SCN11A: variants seen among roughly 807,000 people sequenced by gnomAD.
The protein encoded by SCN11A is sodium channel protein type 11 subunit alpha.
In SCN11A, 122 loss-of-function variants were observed where a neutral mutation model predicts 162.2. That is an observed-to-expected ratio of 0.75 (90% CI 0.65 to 0.87). The LOEUF (loss-of-function observed/expected upper bound fraction) is 0.87, where lower values mean the gene tolerates loss of function less well. Ranked by LOEUF, SCN11A falls within the 40% of genes least tolerant of loss-of-function variation. The pLI is 0.00. For missense variants in SCN11A, 2,015 were observed against 2,181.6 expected (o/e 0.92, Z 1.52); for synonymous variants, 758 against 751.5 (o/e 1.01, Z -0.14).
intron 18 of SCN11A, among the ~76,000 whole-genome samples, chr3:38,895,338 G>A (rs13099670): frequency 0.2 from 30,685 of 152,052 alleles, 3,458 homozygotes; most frequent in Non-Finnish European, 0.25. Flanking sequence ...TTTCCCACAA[G>A]GATATGAATC....
chr3:39,038,828 A>G (rs1228611141), intron 1 of SCN11A, among the ~76,000 whole-genome samples: 1 of 152,230 alleles, frequency 6.6e-6, no homozygotes, highest in African/African-American at 2.4e-5. Context: ...GAAAACACAT[A>G]AAAGAATACA....
At chr3:39,011,527 T>C (rs2031133892) in intron 2 of SCN11A, among the ~76,000 whole-genome samples, 3 of 152,330 alleles carry the variant, frequency 2.0e-5, no homozygotes, top group South Asian at 2.1e-4. Flanking sequence ...TTCCATTTGG[T>C]GGAGGTCCAG....
At chr3:38,872,345 G>A in intron 23 of SCN11A, 51 bp from the exon 24 acceptor site, 1 of 1,007,530 alleles carries the variant, frequency 9.9e-7, no homozygotes, top group African/African-American at 1.6e-5. Context: ...TGTCCAGCTG[G>A]AAAGTCCATT....
intron 2 of SCN11A, among the ~76,000 whole-genome samples, chr3:38,999,026 G>A (rs1426573199): frequency 1.3e-5 from 2 of 151,942 alleles, no homozygotes; most frequent in African/African-American, 2.4e-5. Flanking sequence ...CCTGCACGTT[G>A]TGCACATGTA....
Position 38,925,506 on chromosome 3 carries a change from A to T in SCN11A, c.621T>A (p.Ile207=). ...TGGTGATTCCTGGAATATATGACACAATCCTACAAGACAAAGCACAGGGAA... is the reference window on the plus strand; with the variant it reads ...TGGTGATTCCTGGAATATATGACACTATCCTACAAGACAAAGCACAGGGAA... ...WLDSIVIGIA[I]VSYIPGITIK... The change falls in exon 9 of 30, where the codon ATT becomes ATA. Residue 207 remains isoleucine, a synonymous_variant. Transcript: ENST00000302328. 2 of 1,609,204 alleles carry T rather than the reference A, an allele frequency of 1.2e-6. No individual in the cohort carries two copies. The highest frequency in any genetic ancestry group is 1.7e-6 in the Non-Finnish European group (2 of 1,175,542).
At chr3:38,921,908 T>C (rs2066059425) in intron 9 of SCN11A, among the ~76,000 whole-genome samples, 1 of 152,204 alleles carries the variant, frequency 6.6e-6, no homozygotes. Flanking sequence ...CTAGTAAATA[T>C]TTAAAACTGG....
chr3:38,867,004 AT>A (rs1238627262), intron 27 of SCN11A, among the ~76,000 whole-genome samples: 6 of 152,266 alleles, frequency 3.9e-5, no homozygotes, highest in Non-Finnish European at 8.8e-5. Context: ...GTCATATTTA[AT>A]AAATACTAAT....
intron 16 of SCN11A, among the ~76,000 whole-genome samples, chr3:38,901,885 C>T (rs770901971): frequency 6.6e-6 from 1 of 152,144 alleles, no homozygotes; most frequent in Non-Finnish European, 1.5e-5. Context: ...CAACAATGTC[C>T]CTGTGGCCCT....
At chr3:38,919,148 C>T (rs896849917) in intron 11 of SCN11A, among the ~76,000 whole-genome samples, 2 of 152,162 alleles carry the variant, frequency 1.3e-5, no homozygotes, top group Admixed American at 1.3e-4. Context: ...TATATATCAT[C>T]CATTATCAAT....
intron 16 of SCN11A, among the ~76,000 whole-genome samples, chr3:38,900,625 G>A (rs1302753156): frequency 1.5e-5 from 2 of 132,074 alleles, no homozygotes; most frequent in African/African-American, 3.6e-5. Context: ...CACTTCCAGG[G>A]GCAAAAAAAA....
intron 28 of SCN11A, among the ~76,000 whole-genome samples, chr3:38,858,070 A>G (rs1368152755): frequency 6.6e-6 from 1 of 152,176 alleles, no homozygotes; most frequent in East Asian, 1.9e-4. Context: ...AACCTCCTTA[A>G]AGCATAATTC....
intron 2 of SCN11A, among the ~76,000 whole-genome samples, chr3:38,985,597 G>A (rs1043094342): frequency 3.3e-5 from 5 of 151,026 alleles, no homozygotes; most frequent in South Asian, 2.1e-4. Context: ...TCAAGAAAAA[G>A]CTGTCTTACA....
chr3:38,872,420 T>C, intron 23 of SCN11A, 126 bp from the exon 24 acceptor site: 1 of 609,342 alleles, frequency 1.6e-6, no homozygotes, highest in Non-Finnish European at 3.0e-6. Context: ...GTTATTTGTT[T>C]AGTGAAAGAC....
intron 17 of SCN11A, among the ~76,000 whole-genome samples, chr3:38,897,711 T>C (rs1224414663): frequency 9.4e-6 from 1 of 105,946 alleles, no homozygotes; most frequent in African/African-American, 3.2e-5. Flanking sequence ...CAAGACTCCA[T>C]CTCATAAAAA....
At chr3:38,990,465 T>C (rs1056876268) in intron 2 of SCN11A, among the ~76,000 whole-genome samples, 6 of 152,158 alleles carry the variant, frequency 3.9e-5, no homozygotes, top group African/African-American at 1.2e-4. Context: ...GGTGTTGAGA[T>C]AATGTGAGGC....
chr3:38,848,231 C>T (rs368087446), intron 29 of SCN11A, among the ~76,000 whole-genome samples: 8 of 152,368 alleles, frequency 5.3e-5, no homozygotes, highest in African/African-American at 1.9e-4. Flanking sequence ...GATCAAACAG[C>T]TGAATATTTG....
chr3:38,906,149 C>T (rs2065789003), intron 14 of SCN11A, among the ~76,000 whole-genome samples: 1 of 152,212 alleles, frequency 6.6e-6, no homozygotes, highest in Non-Finnish European at 1.5e-5. Flanking sequence ...TCTCAATTCC[C>T]TTTCCCCACC....
intron 11 of SCN11A, among the ~76,000 whole-genome samples, chr3:38,916,373 CT>C (rs2125543817): frequency 6.6e-6 from 1 of 152,296 alleles, no homozygotes; most frequent in African/African-American, 2.4e-5. Context: ...ATCCATCCAG[CT>C]TTCTTCATCA....
intron 28 of SCN11A, among the ~76,000 whole-genome samples, chr3:38,857,779 C>T (rs1236619360): frequency 1.3e-5 from 2 of 152,068 alleles, no homozygotes; most frequent in African/African-American, 4.8e-5. Context: ...GAAAACCTAT[C>T]AGATTAACAG....
Sources: gnomAD v4.1 joint callset for allele counts (sites outside exome capture counted in the v4.1 genomes callset) on GRCh38, gnomAD v4.1.1 for gene constraint, MANE v1.5 for transcripts, NCBI Gene and HGNC (gene_info 2026-07-23, HGNC 2026-07-21) for gene names.